The following EXOC2 variants were observed in gnomAD, a reference collection of about 807,000 sequenced individuals.
EXOC2 encodes the protein SEC5-like 1.
EXOC2 carries 70 observed loss-of-function variants against 131.8 expected under a neutral mutation model. That is an observed-to-expected ratio of 0.53 (90% CI 0.44 to 0.65). The LOEUF (loss-of-function observed/expected upper bound fraction) is 0.65. Among genes scored for constraint, EXOC2 ranks in the 30% least tolerant of loss-of-function variants. The pLI is 0.00. For synonymous variants in EXOC2, 411 were observed against 398.4 expected, an observed-to-expected ratio of 1.03 and a Z score of -0.38; for missense variants, 923 against 1,108.6, an observed-to-expected ratio of 0.83 and a Z score of 2.38.
chr6:538,170 C>T (rs1435979867), intron 22 of EXOC2, among the ~76,000 whole-genome samples: 1 of 152,182 alleles, frequency 6.6e-6, no homozygotes, highest in Admixed American at 6.5e-5. Context: ...TGTGATGAGG[C>T]AGGATCAATG....
At chr6:557,117 G>C (rs1757454846) in intron 17 of EXOC2, among the ~76,000 whole-genome samples, 1 of 152,140 alleles carries the variant, frequency 6.6e-6, no homozygotes, top group Non-Finnish European at 1.5e-5. Context: ...AGACAAGCTA[G>C]AATGAATCTT....
Position 496,724 on chromosome 6 carries a change from T to A in EXOC2, c.2559+643A>T, listed in dbSNP as rs190220697. On this transcript the variant is annotated intron_variant, in intron 25 of 27. Transcript: ENST00000230449. ...GATTTTTTCAAAATTAAAAAAAAAA[T>A]TTTATTTTTTGATATTTAAGTTTAC... Among the ~76,000 whole-genome samples, 747 of 152,118 alleles carry A rather than the reference T, an allele frequency of 4.9e-3. 7 individuals are homozygous for A. Among genetic ancestry groups the A allele is most frequent in the Middle Eastern group, 0.014 (4 of 294 alleles).
chr6:613,697 G>A (rs1760832324), intron 6 of EXOC2, among the ~76,000 whole-genome samples: 1 of 152,134 alleles, frequency 6.6e-6, no homozygotes, highest in Non-Finnish European at 1.5e-5. Flanking sequence ...AAGGAAACCG[G>A]GAGGAGGCAT....
In EXOC2 at chr6:518,320, G is replaced by A. The variant is rs903908298; in HGVS notation, c.2380+14149C>T. 2.0e-5 allele frequency among the ~76,000 whole-genome samples: 3 copies of A among 152,198 alleles called. No homozygotes were observed. The South Asian group carries it at 6.2e-4, about 31-fold the overall frequency. ...CTGTGAGATGATCGCTGCTTAAGTC[G>A]GCCAACAGGTCAACTGGATTTGTCA... On this transcript the variant is annotated intron_variant, in intron 23 of 27. Coordinates refer to ENST00000230449, the MANE Select transcript of EXOC2 (RefSeq NM_018303.6).
At chr6:502,741 C>T (rs1764296882) in intron 23 of EXOC2, among the ~76,000 whole-genome samples, 1 of 152,082 alleles carries the variant, frequency 6.6e-6, no homozygotes, top group Non-Finnish European at 1.5e-5. Context: ...ATATAAGGAG[C>T]TCAAAGACGT....
chr6:654,705 G>A (rs9504619), intron 1 of EXOC2, among the ~76,000 whole-genome samples: 2,720 of 150,038 alleles, frequency 0.018, 87 homozygotes, highest in African/African-American at 0.061. Context: ...AGGGGAGGCT[G>A]TGGCAGGAGG....
rs61744205 is a variant in EXOC2, at chr6:564,063, C to A, written c.1759G>T (p.Val587Leu). ...GCCGTGTGCTGCAACGTGGCCATTA[C>A]GCAACGTACTCGGAGATCCAAGATG... ...DLILDLRVRC[V>L]MATLQHTAEE... The change falls in exon 16 of 28, where the codon GTA (valine) becomes TTA (leucine). Residue 587 changes from valine to leucine, a missense_variant. By Grantham distance (32) the Val-to-Leu change is conservative. Transcript: ENST00000230449. The A allele has an allele frequency of 1.2e-6, 2 of 1,614,062 alleles. No individual in the cohort carries two copies. Among genetic ancestry groups the A allele is most frequent in the South Asian group, 1.1e-5 (1 of 91,056 alleles).
At chr6:488,725 C>T (rs549123192) in intron 27 of EXOC2, among the ~76,000 whole-genome samples, 25 of 152,204 alleles carry the variant, frequency 1.6e-4, no homozygotes, top group Non-Finnish European at 3.1e-4. Flanking sequence ...TCACTTGAAA[C>T]GAGAGCCAAC....
At chr6:489,501 G>C (rs553851827) in intron 26 of EXOC2, among the ~76,000 whole-genome samples, 2 of 152,332 alleles carry the variant, frequency 1.3e-5, no homozygotes, top group East Asian at 1.9e-4. Flanking sequence ...AATAATTACA[G>C]TCTACTTAAA....
chr6:584,797 T>C (rs1402562614), intron 11 of EXOC2, among the ~76,000 whole-genome samples: 1 of 152,288 alleles, frequency 6.6e-6, no homozygotes, highest in East Asian at 1.9e-4. Flanking sequence ...TTTTAGAAGT[T>C]CTAATTAAGT....
chr6:643,605 C>CT (rs1554142731), intron 1 of EXOC2, among the ~76,000 whole-genome samples: 1 of 93,268 alleles, frequency 1.1e-5, no homozygotes, highest in South Asian at 3.0e-4. Context: ...ATGTTTCCAC[C>CT]TTTTAAAAAA....
At position 564,652 on chromosome 6, in the gene EXOC2, G is replaced by A. The variant is rs1279878423; in HGVS notation, c.1560C>T (p.Ala520=). The A allele has an allele frequency of 3.1e-6, 5 of 1,609,086 alleles. No individual in the cohort carries two copies. The highest frequency in any genetic ancestry group is 1.1e-5 in the South Asian group (1 of 90,078). ...MHSLVKLTRG[A]LLPLSIRDGE... ...CATCCCGGATGCTGAGGGGAAGCAG[G>A]GCTCCGCGGGTAAGCTTCACCAGGG... is the stretch of plus-strand genomic sequence containing the variant. The change falls in exon 15 of 28, where the codon GCC becomes GCT. Residue 520 remains alanine, a synonymous_variant. Coordinates refer to ENST00000230449, the MANE Select transcript of EXOC2 (RefSeq NM_018303.6).
At chr6:487,144 T>C (rs1442143177) in intron 27 of EXOC2, among the ~76,000 whole-genome samples, 1 of 152,102 alleles carries the variant, frequency 6.6e-6, no homozygotes, top group African/African-American at 2.4e-5. Flanking sequence ...CATACCGGAG[T>C]GTAACAGGCT....
chr6:564,944 A>C lies in EXOC2; in HGVS notation c.1444-15T>G. On this transcript the variant is annotated splice_polypyrimidine_tract_variant and intron_variant, in intron 13 of 27. Coordinates refer to ENST00000230449, the MANE Select transcript of EXOC2 (RefSeq NM_018303.6). ...TTCTCAGCAGTCTTAAAAATTAAAA[A>C]AACAAAATAAAACATATTAGAAATA... 1 of 1,565,700 alleles carries C rather than the reference A, an allele frequency of 6.4e-7. No individual in the cohort carries two copies. The highest frequency in any genetic ancestry group is 8.7e-7 in the Non-Finnish European group (1 of 1,154,326).
At chr6:656,190 C>T (rs1763071616) in intron 1 of EXOC2, 1 of 1,614,162 alleles carries the variant, frequency 6.2e-7, no homozygotes, top group African/African-American at 1.3e-5. Context: ...CCAAATATTG[C>T]ACAGGGCCGT....
intron 23 of EXOC2, among the ~76,000 whole-genome samples, chr6:526,176 A>T (rs1561816475): frequency 6.6e-6 from 1 of 152,304 alleles, no homozygotes; most frequent in East Asian, 1.9e-4. Flanking sequence ...TAGATGGGCC[A>T]ATTTACACTC....
intron 1 of EXOC2, among the ~76,000 whole-genome samples, chr6:690,919 G>A (rs1321273521): frequency 1.3e-5 from 2 of 152,178 alleles, no homozygotes; most frequent in African/African-American, 4.8e-5. Context: ...GCTTAGCAGA[G>A]TGATCAATGA....
chr6:632,026 C>CCTA lies in EXOC2; in HGVS notation c.295+912_295+914dup, dbSNP rs1761883500. ...TGGGTTTAATTACGCCTCTGATATTCCTACATTATACAAATATTTATCAAA... is the reference window on the plus strand; with the variant it reads ...TGGGTTTAATTACGCCTCTGATATTCCTACTACATTATACAAATATTTATCAAA... On this transcript the variant is annotated intron_variant, in intron 3 of 27. Coordinates refer to ENST00000230449, the MANE Select transcript of EXOC2 (RefSeq NM_018303.6). 2.6e-5 allele frequency among the ~76,000 whole-genome samples: 4 copies of CCTA among 152,184 alleles called. No homozygotes were observed. In the South Asian group the frequency reaches 8.3e-4, roughly 32 times the overall value.
intron 1 of EXOC2, among the ~76,000 whole-genome samples, chr6:655,497 A>T (rs1003336888): frequency 1.3e-5 from 2 of 152,222 alleles, no homozygotes; most frequent in African/African-American, 4.8e-5. Flanking sequence ...AGACATGCCT[A>T]TATTTCCTTG....
Sources: allele counts gnomAD v4.1 joint callset (sites outside exome capture counted in the v4.1 genomes callset), GRCh38; gene constraint gnomAD v4.1.1; transcripts MANE v1.5; gene names NCBI Gene and HGNC (gene_info 2026-07-23, HGNC 2026-07-21).